POLN: variants seen among roughly 807,000 people sequenced by gnomAD.
POLN encodes DNA polymerase nu.
POLN carries 108 observed loss-of-function variants against 113.5 expected under a neutral mutation model. The ratio of observed to expected loss-of-function variants is 0.95; its 90% confidence interval spans 0.81 to 1.12. The LOEUF (loss-of-function observed/expected upper bound fraction) is 1.12, where lower values mean the gene tolerates loss of function less well. Among genes scored for constraint, POLN ranks in the 50% most tolerant of loss-of-function variants. The pLI is 0.00. For synonymous variants in POLN, 386 were observed against 391.5 expected (o/e 0.99, Z 0.17); for missense variants, 1,097 against 1,077.1 (o/e 1.02, Z -0.26).
chr4:2,133,678 T>C (rs1731783659), intron 16 of POLN, among the ~76,000 whole-genome samples: 1 of 152,246 alleles, frequency 6.6e-6, no homozygotes, highest in African/African-American at 2.4e-5. Flanking sequence ...AATAATTGTG[T>C]TCAGTTGCTT....
chr4:2,201,485 A>G (rs577158615), intron 5 of POLN, among the ~76,000 whole-genome samples: 2 of 151,938 alleles, frequency 1.3e-5, no homozygotes, highest in Admixed American at 6.6e-5. Flanking sequence ...AATTAACCCA[A>G]TCCAACAAAG....
chr4:2,076,414 T>G (rs1343393327), intron 23 of POLN: 1 of 152,408 alleles, frequency 6.6e-6, no homozygotes, highest in East Asian at 1.9e-4. Context: ...TGAGGCCTGC[T>G]GCCCCCAGAC....
At chr4:2,224,033 T>C (rs1370581324) in intron 3 of POLN, among the ~76,000 whole-genome samples, 1 of 152,256 alleles carries the variant, frequency 6.6e-6, no homozygotes, top group Non-Finnish European at 1.5e-5. Context: ...TTAAATTTTT[T>C]AAACTTTTGA....
intron 25 of POLN, 42 bp downstream of exon 25, chr4:2,072,926 C>T (rs370949993): frequency 1.2e-6 from 2 of 1,606,438 alleles, no homozygotes; most frequent in East Asian, 4.5e-5. Flanking sequence ...CTCCCCTCAC[C>T]CTGGGCTCCG....
At chr4:2,094,678 A>G (rs1003796526) in intron 20 of POLN, among the ~76,000 whole-genome samples, 15 of 152,104 alleles carry the variant, frequency 9.9e-5, no homozygotes, top group African/African-American at 3.6e-4. Flanking sequence ...GTTCCCATAG[A>G]GGGAAGAGTA....
chr4:2,079,958 C>T (rs1307453213), intron 23 of POLN: 4 of 985,396 alleles, frequency 4.1e-6, no homozygotes, highest in Non-Finnish European at 4.8e-6. Context: ...CACTGAGAGC[C>T]CACAGCCCAG....
intron 2 of POLN, chr4:2,229,480 A>G (rs190322284): frequency 3.4e-5 from 11 of 319,844 alleles, no homozygotes; most frequent in South Asian, 6.1e-5. Flanking sequence ...TAGGTGACCA[A>G]TTTAGAAGCA....
At chr4:2,164,006 G>C (rs944350321) in intron 13 of POLN, among the ~76,000 whole-genome samples, 2 of 152,152 alleles carry the variant, frequency 1.3e-5, no homozygotes, top group African/African-American at 4.8e-5. Context: ...ATTTGCCCAA[G>C]TGCACAACTC....
intron 3 of POLN, among the ~76,000 whole-genome samples, chr4:2,223,598 C>T (rs138217528): frequency 1.1e-4 from 16 of 152,302 alleles, no homozygotes; most frequent in African/African-American, 3.4e-4. Flanking sequence ...TGAACTTACA[C>T]AAACCTAGAT....
rs998876939 is a variant in POLN at position 2,080,381 on chromosome 4, A to C, written c.2387+577T>G. On this transcript the variant is annotated intron_variant, in intron 23 of 25. Coordinates refer to ENST00000511885, the MANE Select transcript of POLN (RefSeq NM_181808.4). ...GCCAGGGCGGAGCCCCCCCCCACCA[A>C]GGCACATCTGCATGTTGGCTCTGGG... The C allele has an allele frequency of 5.2e-5, 53 of 1,027,430 alleles. No individual in the cohort carries two copies. In the African/African-American group the frequency reaches 8.8e-4, roughly 17 times the overall value. The allele number at this position is 1,027,430 out of a possible 1,614,324, so 63.6% of individuals were successfully genotyped here. A position where few individuals can be genotyped will look rare whatever the true frequency, so the allele number is the denominator to read the frequency against.
chr4:2,184,586 CATCTT>C (rs1239708600), intron 7 of POLN, among the ~76,000 whole-genome samples: 1 of 152,076 alleles, frequency 6.6e-6, no homozygotes, highest in Non-Finnish European at 1.5e-5. Context: ...AAAATACAAA[CATCTT>C]AGCCTGGTAA....
At chr4:2,091,794 T>TGC (rs1379478976) in intron 20 of POLN, among the ~76,000 whole-genome samples, 138 of 130,786 alleles carry the variant, frequency 1.1e-3, no homozygotes, top group Middle Eastern at 8.1e-3. Context: ...TGTGTGTGTG[T>TGC]GTGTGTGCGC....
intron 16 of POLN, among the ~76,000 whole-genome samples, chr4:2,133,935 A>C (rs185297958): frequency 6.6e-6 from 1 of 152,340 alleles, no homozygotes; most frequent in East Asian, 1.9e-4. Flanking sequence ...ACTGTCAGCT[A>C]TCCACCATCA....
At chr4:2,117,759 T>C (rs1731352309) in intron 19 of POLN, among the ~76,000 whole-genome samples, 1 of 152,234 alleles carries the variant, frequency 6.6e-6, no homozygotes, top group African/African-American at 2.4e-5. Flanking sequence ...TCTGCTCCCT[T>C]GGGAGTATCT....
Position 2,208,010 on chromosome 4 carries a change from A to G in POLN, c.691T>C (p.Ser231Pro). The change falls in exon 5 of 26, where the codon TCC (serine) becomes CCC (proline). Residue 231 changes from serine (S) to proline (P), a missense_variant. Ser to Pro is a moderately conservative substitution (Grantham distance 74). Coordinates refer to ENST00000511885, the MANE Select transcript of POLN (RefSeq NM_181808.4). ...LVITVMYTDG[S>P]TQLGADQTPV... ...ACCTGGTCAGCTCCTAGCTGGGTGG[A>G]ACCATCAGTATACATCACAGTTATC... The G allele has an allele frequency of 6.2e-7, 1 of 1,608,940 alleles. No homozygotes were observed. Among genetic ancestry groups the G allele is most frequent in the South Asian group, 1.1e-5 (1 of 89,632 alleles).
At chr4:2,099,858 T>C (rs1204586227) in intron 19 of POLN, among the ~76,000 whole-genome samples, 2 of 151,952 alleles carry the variant, frequency 1.3e-5, no homozygotes, top group African/African-American at 4.8e-5. Flanking sequence ...AAAAAAGTGA[T>C]CCAGTTCAAG....
intron 5 of POLN, among the ~76,000 whole-genome samples, chr4:2,204,113 A>AAAAG (rs1733785514): frequency 1.1e-5 from 1 of 92,920 alleles, no homozygotes; most frequent in Non-Finnish European, 2.0e-5. Context: ...CTATCACAAA[A>AAAAG]AAAAAAAAAA....
rs2108713720 is a variant in POLN, at chr4:2,113,864, A to G, written c.1982+14249T>C. On this transcript the variant is annotated intron_variant, in intron 19 of 25. Transcript: ENST00000511885. ...CAGAGCAAGACTCCATTTCAAAATAATAATAATAATAATAATAATAATAAT... is the reference window on the plus strand; with the variant it reads ...CAGAGCAAGACTCCATTTCAAAATAGTAATAATAATAATAATAATAATAAT... Among the ~76,000 whole-genome samples, 4 of 127,086 alleles carry G rather than the reference A, an allele frequency of 3.1e-5. No homozygotes were observed. The Middle Eastern group carries it at 0.016, about 508-fold the overall frequency. 83.4% of individuals were successfully genotyped at this position (127,086 alleles called of 152,430 possible).
intron 19 of POLN, among the ~76,000 whole-genome samples, chr4:2,114,649 C>G (rs1731274824): frequency 6.6e-6 from 1 of 152,042 alleles, no homozygotes; most frequent in Non-Finnish European, 1.5e-5. Flanking sequence ...GTCTTTTGTC[C>G]TCAGATGGCT....
Sources: gnomAD v4.1 joint callset for allele counts (sites outside exome capture counted in the v4.1 genomes callset) on GRCh38, gnomAD v4.1.1 for gene constraint, MANE v1.5 for transcripts, NCBI Gene and HGNC (gene_info 2026-07-23, HGNC 2026-07-21) for gene names.